Variants in WDSUB1 observed in about 807,000 individuals in gnomAD.
WDSUB1 encodes WD repeat, SAM and U-box domain-containing protein 1.
In WDSUB1, 49 loss-of-function variants were observed where a neutral mutation model predicts 53.9. The ratio of observed to expected loss-of-function variants is 0.91; its 90% confidence interval spans 0.72 to 1.15. WDSUB1 has a LOEUF of 1.15. Ranked by LOEUF, WDSUB1 falls within the 50% of genes most tolerant of loss-of-function variation. The pLI, the probability that WDSUB1 is intolerant of heterozygous loss-of-function variation, is 0.00. For synonymous variants in WDSUB1, 194 were observed against 200.6 expected, an observed-to-expected ratio of 0.97 and a Z score of 0.28; for missense variants, 514 against 562.0, an observed-to-expected ratio of 0.91 and a Z score of 0.86.
intron 3 of WDSUB1, among the ~76,000 whole-genome samples, chr2:159,279,308 A>G (rs1371792931): frequency 1.3e-5 from 2 of 152,270 alleles, no homozygotes; most frequent in Admixed American, 6.5e-5. Context: ...GTTGGCAAAC[A>G]TTTTATAAAT....
intron 1 of WDSUB1, 44 bp from the exon 2 acceptor site, chr2:159,283,137 G>T: frequency 6.7e-7 from 1 of 1,500,402 alleles, no homozygotes; most frequent in Non-Finnish European, 9.0e-7. Flanking sequence ...CTAGGAATCA[G>T]ATACATGCAA....
At chr2:159,249,911 C>CAAAA (rs370000755) in intron 9 of WDSUB1, among the ~76,000 whole-genome samples, 1 of 131,106 alleles carries the variant, frequency 7.6e-6, no homozygotes, top group Non-Finnish European at 1.6e-5. Flanking sequence ...ATTAAAAATA[C>CAAAA]AAAAAAAAAA....
chr2:159,263,451 T>A (rs907524659), intron 5 of WDSUB1, among the ~76,000 whole-genome samples: 1 of 152,138 alleles, frequency 6.6e-6, no homozygotes, highest in Non-Finnish European at 1.5e-5. Flanking sequence ...TAATATAGAT[T>A]AATATCAAAA....
intron 4 of WDSUB1, among the ~76,000 whole-genome samples, chr2:159,275,194 T>C (rs2061515879): frequency 6.6e-6 from 1 of 152,132 alleles, no homozygotes; most frequent in Non-Finnish European, 1.5e-5. Context: ...GTACAATGGA[T>C]GGGAAAAGAC....
chr2:159,243,424 G>A (rs953820181), intron 10 of WDSUB1, among the ~76,000 whole-genome samples: 1 of 147,372 alleles, frequency 6.8e-6, no homozygotes, highest in Non-Finnish European at 1.5e-5. Context: ...CACACACACA[G>A]ATAAGTACAA....
Position 159,256,320 on chromosome 2 carries a change from A to G in WDSUB1, c.1008T>C (p.Asp336=). 6.2e-7 allele frequency: 1 copy of G among 1,612,378 alleles called. No individual in the cohort carries two copies. Among genetic ancestry groups the G allele is most frequent in the Non-Finnish European group, 8.5e-7 (1 of 1,179,484 alleles). ...CTTGTGCACAAAGCCATGTTGAGAC[A>G]TCCTCCTCTGACCAATCTTCGGTAA... ...KQFTEDWSEE[D]VSTWLCAQDL... Residue 336 remains aspartate (D), a synonymous_variant, in exon 9 of 11, where the codon GAT becomes GAC. Coordinates refer to ENST00000359774, the MANE Select transcript of WDSUB1 (RefSeq NM_001128212.3).
intron 10 of WDSUB1, among the ~76,000 whole-genome samples, chr2:159,237,962 T>TGGA (rs1343421648): frequency 2.7e-5 from 3 of 110,074 alleles, no homozygotes; most frequent in East Asian, 4.5e-4. Context: ...CTTCCTTCCA[T>TGGA]AGGAATTCTA....
chr2:159,278,153 T>C (rs1007107372), intron 3 of WDSUB1, among the ~76,000 whole-genome samples: 3 of 152,164 alleles, frequency 2.0e-5, no homozygotes, highest in African/African-American at 7.2e-5. Context: ...ACCACATTCA[T>C]TGAGTGCCTA....
rs2060465463 is a variant in WDSUB1 at position 159,235,821 on chromosome 2, T to C, written c.*212A>G. The C allele has an allele frequency of 7.6e-6, 3 of 393,700 alleles. No homozygotes were observed. Among genetic ancestry groups the C allele is most frequent in the Non-Finnish European group, 1.3e-5 (3 of 229,082 alleles). The allele number at this position is 393,700 out of a possible 1,614,324, so 24.4% of individuals were successfully genotyped here. On this transcript the variant is annotated 3_prime_UTR_variant, in exon 11 of 11. Coordinates refer to ENST00000359774, the MANE Select transcript of WDSUB1 (RefSeq NM_001128212.3). ...AATTTAAAGTATAACTTTATTTCTA[T>C]ATAGCTGAAGATTCTTTTCACTAGT...
chr2:159,256,486 T>A, intron 8 of WDSUB1, 111 bp from the exon 9 acceptor site: 1 of 1,131,486 alleles, frequency 8.8e-7, no homozygotes, highest in Non-Finnish European at 1.2e-6. Flanking sequence ...GTTTTATAGC[T>A]AGGTACAGTG....
At chr2:159,242,227 A>T (rs2060672499) in intron 10 of WDSUB1, among the ~76,000 whole-genome samples, 5 of 145,994 alleles carry the variant, frequency 3.4e-5, no homozygotes, top group Admixed American at 1.3e-4. Flanking sequence ...ATTTTTTTTT[A>T]AATATATTTT....
intron 10 of WDSUB1, among the ~76,000 whole-genome samples, chr2:159,245,256 G>A (rs565389750): frequency 2.6e-5 from 4 of 152,278 alleles, no homozygotes; most frequent in African/African-American, 9.6e-5. Context: ...GCCGGACACC[G>A]TGGCTCATGC....
chr2:159,245,834 C>A (rs1316758190), intron 10 of WDSUB1, among the ~76,000 whole-genome samples: 1 of 152,194 alleles, frequency 6.6e-6, no homozygotes, highest in Admixed American at 6.5e-5. Context: ...TTGGGGTAGA[C>A]AGATTTCTTA....
Position 159,279,109 on chromosome 2 carries a change from G to T in WDSUB1, c.583+652C>A, listed in dbSNP as rs1399317778. Among the ~76,000 whole-genome samples the T allele has an allele frequency of 4.6e-5, 7 of 151,892 alleles. 1 individual carries two copies. The highest frequency in any genetic ancestry group is 4.6e-4 in the Admixed American group (7 of 15,242). ...ACTACATTTTAAATTTTCCTAAGTG[G>T]CTTGCATTACGTTGTTATGGATAGC... is the stretch of plus-strand genomic sequence containing the variant. On this transcript the variant is annotated intron_variant, in intron 3 of 10. Coordinates refer to ENST00000359774, the MANE Select transcript of WDSUB1 (RefSeq NM_001128212.3).
chr2:159,283,304 G>A (rs2061716249), intron 1 of WDSUB1, among the ~76,000 whole-genome samples: 1 of 152,184 alleles, frequency 6.6e-6, no homozygotes, highest in Non-Finnish European at 1.5e-5. Context: ...ATGGTTTCAG[G>A]ATGAAACAGT....
intron 5 of WDSUB1, among the ~76,000 whole-genome samples, chr2:159,264,928 A>T (rs2061305618): frequency 6.6e-6 from 1 of 152,002 alleles, no homozygotes; most frequent in South Asian, 2.1e-4. Context: ...TACTAAAAAT[A>T]CAAAAATTAG....
intron 9 of WDSUB1, among the ~76,000 whole-genome samples, chr2:159,252,764 G>A (rs1420876732): frequency 6.6e-6 from 1 of 152,106 alleles, no homozygotes; most frequent in Non-Finnish European, 1.5e-5. Context: ...TACTAAGACA[G>A]GTGATGTATT....
Position 159,260,251 on chromosome 2 carries a change from G to A in WDSUB1, c.771-408C>T, listed in dbSNP as rs554856817. 2.0e-5 allele frequency among the ~76,000 whole-genome samples: 3 copies of A among 152,236 alleles called. No homozygotes were observed. In the South Asian group the frequency reaches 6.2e-4, roughly 32 times the overall value. On this transcript the variant is annotated intron_variant, in intron 5 of 10. Coordinates refer to ENST00000359774, the MANE Select transcript of WDSUB1 (RefSeq NM_001128212.3). ...ACCTGGGAGGTGGAGGTTACAATGAGCCAAGATCATGCCACTGTACTCCAG... is the reference window on the plus strand; with the variant it reads ...ACCTGGGAGGTGGAGGTTACAATGAACCAAGATCATGCCACTGTACTCCAG...
At chr2:159,237,632 A>G (rs1296559612) in intron 10 of WDSUB1, among the ~76,000 whole-genome samples, 2 of 152,088 alleles carry the variant, frequency 1.3e-5, no homozygotes, top group African/African-American at 4.8e-5. Context: ...TGTGTAATCC[A>G]TTTTCAAATA....
Sources: allele counts gnomAD v4.1 joint callset (sites outside exome capture counted in the v4.1 genomes callset), GRCh38; gene constraint gnomAD v4.1.1; transcripts MANE v1.5; gene names NCBI Gene and HGNC (gene_info 2026-07-23, HGNC 2026-07-21).